The following CALN1 variants were observed in gnomAD, a reference collection of about 807,000 sequenced individuals.
CALN1 encodes calcium-binding protein 8.
CALN1 carries 17 observed loss-of-function variants against 30.6 expected under a neutral mutation model. The observed-to-expected ratio is 0.56, with a 90% CI of 0.38 to 0.83. The LOEUF is 0.83. Ranked by LOEUF, CALN1 falls within the 40% of genes least tolerant of loss-of-function variation. The pLI is 0.00. For missense variants in CALN1, 291 were observed against 354.9 expected (o/e 0.82, Z 1.45); for synonymous variants, 156 against 131.4 (o/e 1.19, Z -1.28).
chr7:71,830,033 CT>C (rs67629864), intron 5 of CALN1, among the ~76,000 whole-genome samples: 72,751 of 136,578 alleles, frequency 0.53, 20,390 homozygotes, highest in East Asian at 0.96. Context: ...GAGTAAGTTC[CT>C]TTTTTTTTTT....
chr7:72,433,403 C>T (rs941211432), intron 1 of CALN1, among the ~76,000 whole-genome samples: 4 of 152,072 alleles, frequency 2.6e-5, no homozygotes, highest in African/African-American at 9.7e-5. Flanking sequence ...GACTAAAAAA[C>T]CCAAGAGTTC....
Position 72,107,113 on chromosome 7 carries a change from T to C in CALN1, c.245-819A>G, listed in dbSNP as rs139933642. Among the ~76,000 whole-genome samples the C allele has an allele frequency of 4.4e-3, 668 of 152,122 alleles. 3 individuals are homozygous for C. The highest frequency in any genetic ancestry group is 0.016 in the African/African-American group (647 of 41,508). On this transcript the variant is annotated intron_variant, in intron 3 of 6. Transcript: ENST00000395275. ...ACTCTGGAGGAGGCACACAATTAGA[T>C]GGTGGTCCCAGCAGAGAATCATGTT...
intron 2 of CALN1, among the ~76,000 whole-genome samples, chr7:72,399,074 C>T (rs1019185263): frequency 3.3e-5 from 5 of 152,044 alleles, no homozygotes; most frequent in African/African-American, 1.2e-4. Context: ...AGGAGGTCAC[C>T]ATCTACAGGT....
At chr7:72,456,104 A>T in the CALN1 span, among the ~76,000 whole-genome samples, 3 of 152,046 alleles carry the variant, frequency 2.0e-5, no homozygotes. Flanking sequence ...GAATCACTTG[A>T]ACCTGGGAGG....
At chr7:71,869,225 T>C (rs1443876761) in intron 5 of CALN1, among the ~76,000 whole-genome samples, 1 of 152,140 alleles carries the variant, frequency 6.6e-6, no homozygotes, top group South Asian at 2.1e-4. Flanking sequence ...TTTTTTTTTT[T>C]TTGAGATGGA....
chr7:72,375,293 T>TGG (rs1158214193), intron 2 of CALN1, among the ~76,000 whole-genome samples: 1 of 152,076 alleles, frequency 6.6e-6, no homozygotes, highest in East Asian at 1.9e-4. Flanking sequence ...TTCAATGGGG[T>TGG]GGCTCACACC....
chr7:71,889,323 A>G (rs116678541), intron 5 of CALN1, among the ~76,000 whole-genome samples: 1,957 of 152,218 alleles, frequency 0.013, 49 homozygotes, highest in African/African-American at 0.045. Flanking sequence ...TTATTTATTT[A>G]TTTTAAGAAA....
chr7:72,446,305 T>C (rs1415678408), intron 1 of CALN1, among the ~76,000 whole-genome samples: 1 of 152,134 alleles, frequency 6.6e-6, no homozygotes, highest in Non-Finnish European at 1.5e-5. Flanking sequence ...CACAATGCAA[T>C]GTACAAAGAA....
At chr7:72,192,122 G>A (rs780429026) in intron 3 of CALN1, among the ~76,000 whole-genome samples, 1 of 152,094 alleles carries the variant, frequency 6.6e-6, no homozygotes, top group African/African-American at 2.4e-5. Context: ...TCTGCAGAAG[G>A]TCGGACATCA....
At chr7:72,008,374 G>A (rs1293740281) in intron 5 of CALN1, among the ~76,000 whole-genome samples, 1 of 138,604 alleles carries the variant, frequency 7.2e-6, no homozygotes, top group Non-Finnish European at 1.5e-5. Context: ...CTCCAGAATG[G>A]TAAAGCTATA....
chr7:71,891,265 T>A (rs1377649455), intron 5 of CALN1, among the ~76,000 whole-genome samples: 1 of 152,212 alleles, frequency 6.6e-6, no homozygotes, highest in African/African-American at 2.4e-5. Flanking sequence ...AGCTCTTGCT[T>A]CCTAGAAATC....
At chr7:72,223,787 G>A in intron 3 of CALN1, among the ~76,000 whole-genome samples, 1 of 152,298 alleles carries the variant, frequency 6.6e-6, no homozygotes, top group East Asian at 1.9e-4. Flanking sequence ...AGAAAATGTG[G>A]TGCATAGACA....
intron 3 of CALN1, among the ~76,000 whole-genome samples, chr7:72,139,578 G>T (rs1809747832): frequency 6.7e-6 from 1 of 149,280 alleles, no homozygotes; most frequent in Admixed American, 6.7e-5. Context: ...ACCCACATCG[G>T]CCACACCCCT....
intron 2 of CALN1, among the ~76,000 whole-genome samples, chr7:72,393,348 C>T (rs985974592): frequency 6.6e-6 from 1 of 152,096 alleles, no homozygotes; most frequent in Non-Finnish European, 1.5e-5. Context: ...CCTGTAGTCC[C>T]AGCTACTCGG....
At chr7:72,017,834 C>T (rs908981083) in intron 5 of CALN1, among the ~76,000 whole-genome samples, 12 of 151,950 alleles carry the variant, frequency 7.9e-5, no homozygotes, top group Non-Finnish European at 7.4e-5. Context: ...GAGATGTTTT[C>T]GGCGTCACTC....
intron 2 of CALN1, among the ~76,000 whole-genome samples, chr7:72,305,554 A>C (rs1226061060): frequency 1.3e-5 from 2 of 152,170 alleles, no homozygotes; most frequent in Admixed American, 1.3e-4. Context: ...AGCTTTCTGC[A>C]AAGTTTGAGA....
chr7:71,921,821 C>T (rs1285342319), intron 5 of CALN1, among the ~76,000 whole-genome samples: 1 of 152,046 alleles, frequency 6.6e-6, no homozygotes, highest in Non-Finnish European at 1.5e-5. Flanking sequence ...TGTACCTCTG[C>T]ACCATCCCCC....
rs1034594237 is a variant in CALN1 at position 72,102,494 on chromosome 7, T to C, written c.388+3657A>G. ...AGTTGTATTTTTTCCAGTGAGGTTG[T>C]ATGCAGAAACTCAGTAAATAGAAAA... is the stretch of plus-strand genomic sequence containing the variant. On this transcript the variant is annotated intron_variant, in intron 4 of 6. Transcript: ENST00000395275. 2.6e-5 allele frequency among the ~76,000 whole-genome samples: 4 copies of C among 152,228 alleles called. No homozygotes were observed. The South Asian group carries it at 8.3e-4, about 32-fold the overall frequency.
intron 3 of CALN1, among the ~76,000 whole-genome samples, chr7:72,259,994 G>A (rs1796160397): frequency 6.6e-6 from 1 of 152,162 alleles, no homozygotes; most frequent in Admixed American, 6.5e-5. Flanking sequence ...TGCTTTGGGA[G>A]GCCAAAGTGG....
Sources: gnomAD v4.1 joint callset for allele counts (sites outside exome capture counted in the v4.1 genomes callset) on GRCh38, gnomAD v4.1.1 for gene constraint, MANE v1.5 for transcripts, NCBI Gene and HGNC (gene_info 2026-07-23, HGNC 2026-07-21) for gene names.